The following GAS2 variants were observed in gnomAD, a reference collection of about 807,000 sequenced individuals.
GAS2 encodes the protein growth arrest specific 2.
Under a neutral mutation model 37.5 loss-of-function variants are expected in GAS2, and 20 were observed. That is an observed-to-expected ratio of 0.53 (90% CI 0.37 to 0.77). The LOEUF is 0.77. GAS2 is among the 30% of genes least tolerant of loss of function. The probability of loss-of-function intolerance (pLI) is 0.00; values close to 1 mark genes in which losing one functional copy is unlikely to be tolerated. For synonymous variants in GAS2, 144 were observed against 132.2 expected (o/e 1.09, Z -0.61); for missense variants, 336 against 373.4 (o/e 0.90, Z 0.82).
chr11:22,642,114 G>T (rs1346413194), intron 1 of GAS2, among the ~76,000 whole-genome samples: 1 of 152,098 alleles, frequency 6.6e-6, no homozygotes, highest in Admixed American at 6.6e-5. Flanking sequence ...GCACAAGAAT[G>T]ATAAGAGTAT....
At chr11:22,721,003 A>T (rs1363830300) in intron 3 of GAS2, among the ~76,000 whole-genome samples, 1 of 152,068 alleles carries the variant, frequency 6.6e-6, no homozygotes, top group Non-Finnish European at 1.5e-5. Flanking sequence ...ATCATGGAAC[A>T]GTTGAAAGTG....
At chr11:22,804,485 G>T (rs1206136140) in intron 7 of GAS2, among the ~76,000 whole-genome samples, 1 of 152,092 alleles carries the variant, frequency 6.6e-6, no homozygotes, top group African/African-American at 2.4e-5. Flanking sequence ...TCCTTTCTCT[G>T]TGCAGTCAGT....
intron 1 of GAS2, among the ~76,000 whole-genome samples, chr11:22,672,344 T>C (rs934828791): frequency 1.3e-5 from 2 of 152,116 alleles, no homozygotes; most frequent in East Asian, 3.8e-4. Flanking sequence ...ACAGAGTACA[T>C]GAGAAATAAA....
chr11:22,765,834 A>G (rs1854662888), intron 7 of GAS2, among the ~76,000 whole-genome samples: 1 of 152,122 alleles, frequency 6.6e-6, no homozygotes, highest in African/African-American at 2.4e-5. Flanking sequence ...ATATAGGTTT[A>G]ATTGGCTCCT....
At chr11:22,707,918 A>G (rs337454) in intron 3 of GAS2, among the ~76,000 whole-genome samples, 31,930 of 152,034 alleles carry the variant, frequency 0.21, 3,690 homozygotes, top group East Asian at 0.38. Context: ...ATGCATATTA[A>G]GTTGGAGAAA....
Position 22,737,784 on chromosome 11 carries a change from G to A in GAS2, c.473+16G>A, listed in dbSNP as rs1203943678. 3.1e-6 allele frequency: 5 copies of A among 1,611,706 alleles called. No individual in the cohort carries two copies. Among genetic ancestry groups the A allele is most frequent in the Non-Finnish European group, 4.2e-6 (5 of 1,177,810 alleles). ...TTGCAGCCAGGTAGGTCAAACCACT[G>A]CAACTATGTCAAGACATTGACGATT... On this transcript the variant is annotated intron_variant, in intron 5 of 7. Coordinates refer to ENST00000454584, the MANE Select transcript of GAS2 (RefSeq NM_001143830.3).
chr11:22,747,258 A>G (rs539278371), intron 5 of GAS2, among the ~76,000 whole-genome samples: 5 of 152,248 alleles, frequency 3.3e-5, no homozygotes, highest in African/African-American at 9.6e-5. Context: ...CCAAGATCTT[A>G]TGTAAGATGC....
At chr11:22,637,733 A>T (rs1339840552) in intron 1 of GAS2, among the ~76,000 whole-genome samples, 1 of 142,190 alleles carries the variant, frequency 7.0e-6, no homozygotes, top group Non-Finnish European at 1.5e-5. Context: ...TAGTAATAAT[A>T]ATTATTTATA....
At chr11:22,774,772 ATT>A (rs112113466) in intron 7 of GAS2, among the ~76,000 whole-genome samples, 2 of 146,778 alleles carry the variant, frequency 1.4e-5, no homozygotes, top group African/African-American at 5.0e-5. Flanking sequence ...ACCTATCGTG[ATT>A]TTTTTTTTTT....
At chr11:22,758,493 T>G (rs1221758527) in intron 7 of GAS2, among the ~76,000 whole-genome samples, 1 of 152,168 alleles carries the variant, frequency 6.6e-6, no homozygotes, top group African/African-American at 2.4e-5. Flanking sequence ...TGTATTCATA[T>G]GGTCATAATG....
rs1183896021 is a variant in GAS2 at position 22,789,418 on chromosome 11, CATATGAGATATATATATATATATAT to C, written c.724-22375_724-22351del. Among the ~76,000 whole-genome samples the C allele has an allele frequency of 2.4e-3, 198 of 81,458 alleles. 21 individuals are homozygous for C. The highest frequency in any genetic ancestry group is 3.8e-3 in the Non-Finnish European group (162 of 42,450). 53.4% of individuals were successfully genotyped at this position (81,458 alleles called of 152,430 possible). A position where few individuals can be genotyped will look rare whatever the true frequency, so the allele number is the denominator to read the frequency against. ...TGTGTGTGTGTATGTGTGTGTATCTCATATGAGATATATATATATATATATATATATATATATTCTTTTTTTTTTT... is the reference window on the plus strand; with the variant it reads ...TGTGTGTGTGTATGTGTGTGTATCTCATATATATATATTCTTTTTTTTTTT... On this transcript the variant is annotated intron_variant, in intron 7 of 7. Transcript: ENST00000454584.
intron 5 of GAS2, among the ~76,000 whole-genome samples, chr11:22,742,441 A>G (rs569389859): frequency 1.3e-5 from 2 of 152,240 alleles, no homozygotes; most frequent in East Asian, 1.9e-4. Context: ...GACTAAGTTG[A>G]CTTGCAGGTG....
intron 4 of GAS2, among the ~76,000 whole-genome samples, chr11:22,730,673 C>T (rs983277032): frequency 3.3e-5 from 5 of 151,524 alleles, no homozygotes; most frequent in Non-Finnish European, 4.4e-5. Context: ...TAAGTATTTT[C>T]TTGAATTCAA....
chr11:22,715,059 T>C (rs956681103), intron 3 of GAS2, among the ~76,000 whole-genome samples: 4 of 151,976 alleles, frequency 2.6e-5, no homozygotes, highest in East Asian at 1.9e-4. Flanking sequence ...AAATACAAAA[T>C]ATAAATGAAA....
chr11:22,800,081 T>G, intron 7 of GAS2, among the ~76,000 whole-genome samples: 1 of 152,048 alleles, frequency 6.6e-6, no homozygotes, highest in East Asian at 1.9e-4. Context: ...TAGGACTACA[T>G]GCAGTATAGT....
intron 1 of GAS2, among the ~76,000 whole-genome samples, chr11:22,657,797 C>G (rs1848872615): frequency 6.6e-6 from 1 of 152,180 alleles, no homozygotes; most frequent in Non-Finnish European, 1.5e-5. Context: ...AGCATCAAAT[C>G]TTGGCCCACA....
Position 22,812,261 on chromosome 11 carries a change from C to A in GAS2, c.*245C>A, listed in dbSNP as rs1857216924. Reference sequence around the variant, plus strand: ...AAATTTTAGGCAAATTATTATTTCTCAATATGCGAACACAGTATTTAGAAC... The same window carrying A: ...AAATTTTAGGCAAATTATTATTTCTAAATATGCGAACACAGTATTTAGAAC... On this transcript the variant is annotated 3_prime_UTR_variant, in exon 8 of 8. Coordinates refer to ENST00000454584, the MANE Select transcript of GAS2 (RefSeq NM_001143830.3). 4.5e-6 allele frequency: 2 copies of A among 444,048 alleles called. No homozygotes were observed. Among genetic ancestry groups the A allele is most frequent in the African/African-American group, 2.0e-5 (1 of 50,774 alleles). The allele number at this position is 444,048 out of a possible 1,614,324, so 27.5% of individuals were successfully genotyped here.
rs769207233 is a variant in GAS2 at position 22,674,950 on chromosome 11, C to T, written c.81C>T (p.Ser27=). Residue 27 remains serine, a synonymous_variant, in exon 2 of 8, where the codon AGC becomes AGT. Coordinates refer to ENST00000454584, the MANE Select transcript of GAS2 (RefSeq NM_001143830.3). ...ATCAGTATAGCCAATGGCTAGCCAGCAGACATGAAGCTAATTTGCTACCAA... is the reference window on the plus strand; with the variant it reads ...ATCAGTATAGCCAATGGCTAGCCAGTAGACATGAAGCTAATTTGCTACCAA... ...DMHQYSQWLA[S]RHEANLLPMK... is the part of the protein sequence containing the mutation. The T allele has an allele frequency of 6.2e-7, 1 of 1,613,852 alleles. No individual in the cohort carries two copies. Among genetic ancestry groups the T allele is most frequent in the Non-Finnish European group, 8.5e-7 (1 of 1,179,868 alleles).
At chr11:22,721,887 A>C (rs185681970) in intron 3 of GAS2, among the ~76,000 whole-genome samples, 1 of 152,052 alleles carries the variant, frequency 6.6e-6, no homozygotes, top group East Asian at 1.9e-4. Context: ...GAGAGAAGGA[A>C]ATCATAGATA....
Sources: allele counts gnomAD v4.1 joint callset (sites outside exome capture counted in the v4.1 genomes callset), GRCh38; gene constraint gnomAD v4.1.1; transcripts MANE v1.5; gene names NCBI Gene and HGNC (gene_info 2026-07-23, HGNC 2026-07-21).